TMEM260: variants seen among roughly 807,000 people sequenced by gnomAD.
TMEM260 encodes transmembrane protein 260.
In TMEM260, 82 loss-of-function variants were observed where a neutral mutation model predicts 88.9. That is an observed-to-expected ratio of 0.92 (90% CI 0.77 to 1.11). The LOEUF (loss-of-function observed/expected upper bound fraction) is 1.11, where lower values mean the gene tolerates loss of function less well. Ranked by LOEUF, TMEM260 falls within the 50% of genes least tolerant of loss-of-function variation. The pLI is 0.00. For missense variants in TMEM260, 902 were observed against 853.4 expected (o/e 1.06, Z -0.71); for synonymous variants, 314 against 309.3 (o/e 1.02, Z -0.16).
At chr14:56,607,658 A>G (rs12882365) in intron 5 of TMEM260, among the ~76,000 whole-genome samples, 58,559 of 151,954 alleles carry the variant, frequency 0.39, 12,489 homozygotes, top group East Asian at 0.6. Context: ...ATAGTAATGT[A>G]GGTACATATG....
the TMEM260 span, among the ~76,000 whole-genome samples, chr14:56,658,813 C>G: frequency 6.6e-6 from 1 of 150,380 alleles, no homozygotes; most frequent in African/African-American, 2.5e-5. Context: ...TCACCGCAAC[C>G]TCCGCCTCCC....
intron 7 of TMEM260, chr14:56,612,770 A>T (rs1254326534): frequency 6.5e-6 from 1 of 153,332 alleles, no homozygotes; most frequent in Non-Finnish European, 1.4e-5. Context: ...CAGAGGGCCG[A>T]CTGTACTGTC....
At chr14:56,654,739 G>A (rs1230534916), downstream of TMEM260, among the ~76,000 whole-genome samples, 2 of 145,448 alleles carry the variant, frequency 1.4e-5, no homozygotes, top group East Asian at 2.1e-4. Context: ...GCTTGAACCC[G>A]GGAGGCAGAG....
downstream of TMEM260, among the ~76,000 whole-genome samples, chr14:56,654,405 T>C (rs1055379215): frequency 3.2e-4 from 48 of 152,228 alleles, no homozygotes; most frequent in African/African-American, 9.4e-4. Flanking sequence ...CATATTTCTG[T>C]ATTTTAGAGA....
intron 12 of TMEM260, among the ~76,000 whole-genome samples, chr14:56,627,302 G>A (rs1189416347): frequency 6.6e-6 from 1 of 151,838 alleles, no homozygotes; most frequent in African/African-American, 2.4e-5. Flanking sequence ...AAGAAAACAG[G>A]GTCCTATTCA....
chr14:56,585,547 C>T lies in TMEM260; in HGVS notation c.193-214C>T, dbSNP rs185227933. 332 of 511,878 alleles carry T rather than the reference C, an allele frequency of 6.5e-4. 3 individuals carry two copies. In the East Asian group the frequency reaches 9.9e-3, roughly 15 times the overall value. 31.7% of individuals were successfully genotyped at this position (511,878 alleles called of 1,614,324 possible). Reference sequence around the variant, plus strand: ...AATATGTCACCCTTTCTCTGGGTGACGCACCATGTGATAGACGCTGCCAAA... The same window carrying T: ...AATATGTCACCCTTTCTCTGGGTGATGCACCATGTGATAGACGCTGCCAAA... On this transcript the variant is annotated intron_variant, in intron 2 of 15. Transcript: ENST00000261556.
intron 14 of TMEM260, among the ~76,000 whole-genome samples, chr14:56,636,160 G>T (rs1175845296): frequency 6.6e-6 from 1 of 152,216 alleles, no homozygotes; most frequent in East Asian, 1.9e-4. Flanking sequence ...TGAGCTTCGT[G>T]TTGGGTACCT....
intron 4 of TMEM260, 148 bp downstream of exon 4, chr14:56,604,140 T>G: frequency 1.3e-6 from 1 of 758,132 alleles, no homozygotes; most frequent in Non-Finnish European, 1.9e-6. Flanking sequence ...GATCTCAGTC[T>G]TTTTTATTAT....
downstream of TMEM260, among the ~76,000 whole-genome samples, chr14:56,653,531 C>T (rs12232102): frequency 0.32 from 48,721 of 151,398 alleles, 9,724 homozygotes; most frequent in East Asian, 0.53. Flanking sequence ...GTCAGGAGTT[C>T]GAGACCAGCC....
rs1888196765 is a variant in TMEM260, at chr14:56,625,519, A to G, written c.1536A>G (p.Glu512=). Residue 512 remains glutamate, a synonymous_variant, in exon 12 of 16, where the codon GAA becomes GAG. Transcript: ENST00000261556. The part of the protein sequence containing the change: ...MVTFNLYHFL[E]VNKQKETFVC... ...CATTTAATCTTTATCATTTTCTTGA[A>G]GTAAATAAACAGTAAGCATTCTTTT... 1 of 1,594,794 alleles carries G rather than the reference A, an allele frequency of 6.3e-7. No individual in the cohort carries two copies.
At chr14:56,652,830 C>G (rs1890229860), downstream of TMEM260, among the ~76,000 whole-genome samples, 1 of 152,174 alleles carries the variant, frequency 6.6e-6, no homozygotes, top group Non-Finnish European at 1.5e-5. Flanking sequence ...TTAAGTTTCT[C>G]TTTCAGTGAT....
chr14:56,620,703 G>A lies in TMEM260; in HGVS notation c.1227-828G>A, dbSNP rs145810658. The stretch of plus-strand genomic sequence containing the variant: ...CAGGGATAATATTCTGTTCCTAGAG[G>A]TGTTCATTTGTTTTGTGATACCCCA... On this transcript the variant is annotated intron_variant, in intron 10 of 15. Transcript: ENST00000261556. Among the ~76,000 whole-genome samples the A allele has an allele frequency of 1.1e-3, 174 of 152,230 alleles. 5 individuals are homozygous for A. The South Asian group carries it at 0.019, about 17-fold the overall frequency.
chr14:56,638,689 G>C (rs927666688), intron 15 of TMEM260, among the ~76,000 whole-genome samples: 2 of 152,082 alleles, frequency 1.3e-5, no homozygotes, highest in African/African-American at 4.8e-5. Flanking sequence ...CCCAGTGCTA[G>C]TTTTTCAAGA....
Position 56,580,015 on chromosome 14 carries a change from C to G in TMEM260, c.101C>G (p.Ala34Gly), listed in dbSNP as rs1885002824. The change falls in exon 1 of 16, where the codon GCC (alanine) becomes GGC (glycine). Residue 34 changes from alanine to glycine, a missense_variant. Physicochemically the swap from Ala to Gly is moderately conservative, Grantham distance 60 (BLOSUM62 0). Transcript: ENST00000261556. ...ATCCGCGGCGGCGTGGCGGTGTTCG[C>G]CGCCGTGGCCGCAGTGTTCACCTTC... is the stretch of plus-strand genomic sequence containing the variant. ...GGIRGGVAVFAAVAAVFTFTL... is the reference protein window; with the variant it reads ...GGIRGGVAVFGAVAAVFTFTL... 8.0e-7 allele frequency: 1 copy of G among 1,248,210 alleles called. No individual in the cohort carries two copies. Among genetic ancestry groups the G allele is most frequent in the Admixed American group, 4.2e-5 (1 of 23,856 alleles). The allele number at this position is 1,248,210 out of a possible 1,614,324, so 77.3% of individuals were successfully genotyped here.
chr14:56,612,332 G>A (rs1186605162), intron 7 of TMEM260, 47 bp downstream of exon 7: 2 of 1,492,246 alleles, frequency 1.3e-6, no homozygotes, highest in East Asian at 4.5e-5. Flanking sequence ...TTCTCTATTA[G>A]TTCCTTTAAG....
rs557898733 is a variant in TMEM260 at position 56,580,057 on chromosome 14, T to C, written c.143T>C (p.Val48Ala). 38 of 1,252,178 alleles carry C rather than the reference T, an allele frequency of 3.0e-5. No homozygotes were observed. In the South Asian group the frequency reaches 1.3e-3, roughly 43 times the overall value. The allele number at this position is 1,252,178 out of a possible 1,614,324, so 77.6% of individuals were successfully genotyped here. A position where few individuals can be genotyped will look rare whatever the true frequency, so the allele number is the denominator to read the frequency against. ...TTCACCTTCACCCTGCCCCCTTCGGTACCGGGGGGAGACTCCGGTAAAGTA... is the reference window on the plus strand; with the variant it reads ...TTCACCTTCACCCTGCCCCCTTCGGCACCGGGGGGAGACTCCGGTAAAGTA... ...AVFTFTLPPS[V>A]PGGDSGELIT... Residue 48 changes from valine to alanine, a missense_variant, in exon 1 of 16, where the codon GTA (valine) becomes GCA (alanine). Val to Ala is a moderately conservative substitution (Grantham distance 64). Transcript: ENST00000261556.
At chr14:56,608,045 AT>A (rs1348548217) in intron 5 of TMEM260, among the ~76,000 whole-genome samples, 3 of 152,204 alleles carry the variant, frequency 2.0e-5, no homozygotes, top group Non-Finnish European at 4.4e-5. Context: ...ATGTTGTTAG[AT>A]TAGTTATTTC....
rs959813833 is a variant in TMEM260 at position 56,585,156 on chromosome 14, T to G, written c.192+124T>G. On this transcript the variant is annotated intron_variant, in intron 2 of 15. Transcript: ENST00000261556. ...TCAAACCCCCGTTTTTAGTAACTTA[T>G]AAGTACAGTACGTGACAATTTACTT... The G allele has an allele frequency of 2.1e-5, 17 of 808,580 alleles. No individual in the cohort carries two copies. In the East Asian group the frequency reaches 2.9e-4, roughly 14 times the overall value. The allele number at this position is 808,580 out of a possible 1,614,324, so 50.1% of individuals were successfully genotyped here.
chr14:56,587,412 C>T (rs945123605), intron 3 of TMEM260, among the ~76,000 whole-genome samples: 8 of 151,842 alleles, frequency 5.3e-5, no homozygotes, highest in African/African-American at 1.2e-4. Context: ...CTGTAAGAAT[C>T]GTAAATAAAA....
Sources: allele counts gnomAD v4.1 joint callset (sites outside exome capture counted in the v4.1 genomes callset), GRCh38; gene constraint gnomAD v4.1.1; transcripts MANE v1.5; gene names NCBI Gene and HGNC (gene_info 2026-07-23, HGNC 2026-07-21).